Variants in ZNF384 observed in about 807,000 individuals in gnomAD.
The protein encoded by ZNF384 is zinc finger protein 384, also known as CAG repeat protein 1.
Under a neutral mutation model 65.0 loss-of-function variants are expected in ZNF384, and 20 were observed. The ratio of observed to expected loss-of-function variants is 0.31; its 90% confidence interval spans 0.22 to 0.45. The LOEUF (loss-of-function observed/expected upper bound fraction) is 0.45, where lower values mean the gene tolerates loss of function less well. Ranked by LOEUF, ZNF384 falls within the 20% of genes least tolerant of loss-of-function variation. The pLI is 1.00. For missense variants in ZNF384, 549 were observed against 769.4 expected (o/e 0.71, Z 3.39); for synonymous variants, 310 against 303.9 (o/e 1.02, Z -0.21).
chr12:6,687,203 G>A (rs1197796087), intron 2 of ZNF384, among the ~76,000 whole-genome samples: 1 of 152,140 alleles, frequency 6.6e-6, no homozygotes, highest in Non-Finnish European at 1.5e-5. Context: ...GCACCCCAAT[G>A]TTACTGGGAA....
chr12:6,667,609 A>T lies in ZNF384; in HGVS notation c.*105T>A, dbSNP rs756524219. On this transcript the variant is annotated 3_prime_UTR_variant, in exon 12 of 12. Transcript: ENST00000683879. ...CCGTGACAGAGGCCCAAGGAGATGG[A>T]GCCAAGGCCTGTCAAGGAAGAAAAG... is the stretch of plus-strand genomic sequence containing the variant. 2 of 1,468,174 alleles carry T rather than the reference A, an allele frequency of 1.4e-6. No homozygotes were observed. Among genetic ancestry groups the T allele is most frequent in the Admixed American group, 3.3e-5 (2 of 59,890 alleles). The allele number at this position is 1,468,174 out of a possible 1,614,324, so 90.9% of individuals were successfully genotyped here. A position where few individuals can be genotyped will look rare whatever the true frequency, so the allele number is the denominator to read the frequency against.
chr12:6,686,123 G>T (rs1210491276), intron 2 of ZNF384, among the ~76,000 whole-genome samples: 1 of 152,084 alleles, frequency 6.6e-6, no homozygotes, highest in Non-Finnish European at 1.5e-5. Flanking sequence ...TTTTACTGTT[G>T]TTTTTTCAAA....
chr12:6,672,747 G>C lies in ZNF384; in HGVS notation c.1005-215C>G, dbSNP rs981257618. Among the ~76,000 whole-genome samples, 4 of 152,158 alleles carry C rather than the reference G, an allele frequency of 2.6e-5. No homozygotes were observed. The East Asian group carries it at 5.8e-4, about 22-fold the overall frequency. ...TCGGTGGCTAGAATGGCAGTGAGAT[G>C]ATGAAGAGCTGCAACCCATGGCTCC... On this transcript the variant is annotated intron_variant, in intron 8 of 11. Transcript: ENST00000683879. The surrounding 1 kb of genome is among the most constrained non-coding windows in gnomAD (Gnocchi z 4.4).
Position 6,678,958 on chromosome 12 carries a change from G to A in ZNF384, c.292C>T (p.Leu98=), listed in dbSNP as rs1565437471. 6.2e-7 allele frequency: 1 copy of A among 1,613,960 alleles called. No individual in the cohort carries two copies. The highest frequency in any genetic ancestry group is 1.7e-5 in the Admixed American group (1 of 60,022). The change falls in exon 4 of 12, where the codon CTG becomes TTG. Residue 98 remains leucine (L), a synonymous_variant. Coordinates refer to ENST00000683879, the MANE Select transcript of ZNF384 (RefSeq NM_001385745.1). This position sits in a 1 kb window ranked among gnomAD's most constrained non-coding sequence, Gnocchi z 4.9. ...CAGAGTTGCTCACCAGCAGTCATCA[G>A]TCCTGTAGACGGCACAGGGACCACC... ...ITVVPVPSTG[L]MTAGVSCSQR... is the part of the protein sequence containing the mutation.
At position 6,669,052 on chromosome 12, in the gene ZNF384, G is replaced by C. The variant is rs200554045; in HGVS notation, c.1404C>G (p.Ile468Met). ...TCACTGATGTGTATGCCCGACTGCA[G>C]ATAGTGCAGGTGTACACCTTGGCAT... is the stretch of plus-strand genomic sequence containing the variant. ...VKHAKVYTCTICSRAYTSETY... is the reference protein window; with the variant it reads ...VKHAKVYTCTMCSRAYTSETY... Residue 468 changes from isoleucine (I) to methionine (M), a missense_variant, in exon 11 of 12, where the codon ATC becomes ATG. Transcript: ENST00000683879. 9.3e-6 allele frequency: 15 copies of C among 1,610,534 alleles called. No individual in the cohort carries two copies. Among genetic ancestry groups the C allele is most frequent in the Non-Finnish European group, 1.2e-5 (14 of 1,177,658 alleles).
rs539429248 is a variant in ZNF384 at position 6,689,297 on chromosome 12, A to G, written c.-265T>C. On this transcript the variant is annotated 5_prime_UTR_variant, in exon 1 of 12. Coordinates refer to ENST00000683879, the MANE Select transcript of ZNF384 (RefSeq NM_001385745.1). ...CACTCACACGCACGGAACGCGCGCG[A>G]GACACCCGCAGGGCGGGGGCGCGAG... 11 of 152,884 alleles carry G rather than the reference A, an allele frequency of 7.2e-5. No homozygotes were observed. In the East Asian group the frequency reaches 1.5e-3, roughly 21 times the overall value. 9.5% of individuals were successfully genotyped at this position (152,884 alleles called of 1,614,324 possible).
At chr12:6,670,460 A>T (rs140167508) in intron 10 of ZNF384, among the ~76,000 whole-genome samples, 41 of 152,282 alleles carry the variant, frequency 2.7e-4, no homozygotes, top group South Asian at 1.5e-3. Context: ...AAAAATGTAT[A>T]ATAATGCCAT....
Position 6,667,318 on chromosome 12 carries a change from T to C in ZNF384, c.*396A>G, listed in dbSNP as rs1192650658. On this transcript the variant is annotated 3_prime_UTR_variant, in exon 12 of 12. Coordinates refer to ENST00000683879, the MANE Select transcript of ZNF384 (RefSeq NM_001385745.1). ...ATTTGGGGCTCCCTTTTCTCTGTTATCTGGGAGGGCCAGCCTCTAGTCTTA... is the reference window on the plus strand; with the variant it reads ...ATTTGGGGCTCCCTTTTCTCTGTTACCTGGGAGGGCCAGCCTCTAGTCTTA... The C allele has an allele frequency of 5.3e-6, 2 of 380,584 alleles. No individual in the cohort carries two copies. Among genetic ancestry groups the C allele is most frequent in the African/African-American group, 2.0e-5 (1 of 50,328 alleles). The allele number at this position is 380,584 out of a possible 1,614,324, so 23.6% of individuals were successfully genotyped here. A position where few individuals can be genotyped will look rare whatever the true frequency, so the allele number is the denominator to read the frequency against.
intron 10 of ZNF384, 119 bp from the exon 11 acceptor site, chr12:6,669,308 G>C: frequency 9.9e-7 from 1 of 1,013,590 alleles, no homozygotes; most frequent in South Asian, 1.7e-5. Flanking sequence ...TCTATCTGAA[G>C]AAAGTAGAAA....
In ZNF384 at chr12:6,673,569, A is replaced by G; in HGVS notation, c.780-129T>C. The stretch of plus-strand genomic sequence containing the variant: ...TACTCCAACTTGAGAGTAGAGCTCT[A>G]TATATTCATCTTTATGGCCTAAGCT... On this transcript the variant is annotated intron_variant, in intron 7 of 11. Transcript: ENST00000683879. The surrounding 1 kb of genome is among the most constrained non-coding windows in gnomAD (Gnocchi z 4.7). The G allele has an allele frequency of 1.5e-6, 1 of 685,078 alleles. No homozygotes were observed. Among genetic ancestry groups the G allele is most frequent in the Non-Finnish European group, 2.5e-6 (1 of 404,684 alleles). The allele number at this position is 685,078 out of a possible 1,614,324, so 42.4% of individuals were successfully genotyped here.
intron 6 of ZNF384, 73 bp from the exon 7 acceptor site, chr12:6,677,332 A>C: frequency 1.6e-6 from 2 of 1,241,580 alleles, no homozygotes; most frequent in South Asian, 1.4e-5. Flanking sequence ...CCAGCCATGC[A>C]CATCTGCCCC....
At position 6,673,453 on chromosome 12, in the gene ZNF384, A is replaced by G; in HGVS notation, c.780-13T>C. The G allele has an allele frequency of 6.2e-7, 1 of 1,612,544 alleles. No homozygotes were observed. Among genetic ancestry groups the G allele is most frequent in the South Asian group, 1.1e-5 (1 of 90,794 alleles). Reference sequence around the variant, plus strand: ...GCACATCCGGCACCTGAGCCAAGTGAGGGCAATGGTTAGAACCCTTCCCAT... The same window carrying G: ...GCACATCCGGCACCTGAGCCAAGTGGGGGCAATGGTTAGAACCCTTCCCAT... On this transcript the variant is annotated splice_polypyrimidine_tract_variant and intron_variant, in intron 7 of 11. Transcript: ENST00000683879. The surrounding 1 kb of genome is among the most constrained non-coding windows in gnomAD (Gnocchi z 4.7).
At chr12:6,669,932 A>ACGCG (rs67939669) in intron 10 of ZNF384, among the ~76,000 whole-genome samples, 1 of 151,732 alleles carries the variant, frequency 6.6e-6, no homozygotes, top group African/African-American at 2.4e-5. Context: ...AAACACGCAC[A>ACGCG]CGCGCGCGCG....
At position 6,667,898 on chromosome 12, in the gene ZNF384, GGCTGTTGCTGCTGCTGCTGCTGCT is replaced by G; in HGVS notation, c.1619_1642del (p.Gln540_Gln547del). 6 of 1,600,822 alleles carry G rather than the reference GGCTGTTGCTGCTGCTGCTGCTGCT, an allele frequency of 3.7e-6. No homozygotes were observed. The highest frequency in any genetic ancestry group is 5.1e-6 in the Non-Finnish European group (6 of 1,176,456). On this transcript the variant is annotated inframe_deletion, in exon 12 of 12. Transcript: ENST00000683879. ...CCCAGGAGACTGGAAGTGTGGTGGT[GGCTGTTGCTGCTGCTGCTGCTGCT>G]GCTGCTGCTGCTGCTGCTGCTGCTG...
At chr12:6,677,738 A>AG (rs1446263053) in intron 6 of ZNF384, among the ~76,000 whole-genome samples, 1 of 152,100 alleles carries the variant, frequency 6.6e-6, no homozygotes, top group Non-Finnish European at 1.5e-5. Context: ...GATGGCACAT[A>AG]GGTTAGGTGC....
intron 10 of ZNF384, 93 bp downstream of exon 10, chr12:6,670,665 GTA>G: frequency 8.5e-7 from 1 of 1,177,234 alleles, no homozygotes. Context: ...ATGTTTGAGT[GTA>G]AAGGAGTCCT....
intron 2 of ZNF384, among the ~76,000 whole-genome samples, chr12:6,682,221 G>A (rs1379106026): frequency 6.6e-6 from 1 of 151,890 alleles, no homozygotes; most frequent in Admixed American, 6.6e-5. Flanking sequence ...TTGGAAGGCT[G>A]AGGTGGGAAA....
rs1286280588 is a variant in ZNF384 at position 6,673,247 on chromosome 12, G to A, written c.973C>T (p.Arg325Cys). ...TGCTGCTGAAGGTGGGAGAGCTGGC[G>A]GAAGGATTTCTCACAGAAGTTACAA... The part of the protein sequence containing the change: ...YSCNFCEKSF[R>C]QLSHLQQHTR... The change falls in exon 8 of 12, where the codon CGC becomes TGC. Residue 325 changes from arginine to cysteine, a missense_variant. Around this residue, in one of 5 missense-constraint regions of ZNF384, gnomAD observed 39 missense variants for 85.8 expected, o/e 0.45. Coordinates refer to ENST00000683879, the MANE Select transcript of ZNF384 (RefSeq NM_001385745.1). The surrounding 1 kb of genome is among the most constrained non-coding windows in gnomAD (Gnocchi z 4.7). 5 of 1,614,116 alleles carry A rather than the reference G, an allele frequency of 3.1e-6. No homozygotes were observed. Among genetic ancestry groups the A allele is most frequent in the Non-Finnish European group, 3.4e-6 (4 of 1,180,028 alleles).
rs1954397511 is a variant in ZNF384 at position 6,678,067 on chromosome 12, C to A, written c.686+60G>T. 1 of 1,495,966 alleles carries A rather than the reference C, an allele frequency of 6.7e-7. No homozygotes were observed. The highest frequency in any genetic ancestry group is 2.3e-5 in the East Asian group (1 of 44,080). The allele number at this position is 1,495,966 out of a possible 1,614,324, so 92.7% of individuals were successfully genotyped here. On this transcript the variant is annotated intron_variant, in intron 6 of 11. Coordinates refer to ENST00000683879, the MANE Select transcript of ZNF384 (RefSeq NM_001385745.1). This position sits in a 1 kb window ranked among gnomAD's most constrained non-coding sequence, Gnocchi z 4.9. ...ACCGGGGCAGAACACAATGAGGGTA[C>A]AGGGAGAATCACCAAGCCAGGGATC...
Sources: allele counts gnomAD v4.1 joint callset (sites outside exome capture counted in the v4.1 genomes callset), GRCh38; gene constraint gnomAD v4.1.1; regional missense constraint gnomAD v4.1.1; non-coding constraint Gnocchi (gnomAD v3.1); transcripts MANE v1.5; gene names NCBI Gene and HGNC (gene_info 2026-07-23, HGNC 2026-07-21).